The following TOP1 variants were observed in gnomAD, a reference collection of about 807,000 sequenced individuals.
TOP1 encodes DNA topoisomerase I, also known as DNA topoisomerase 1.
In TOP1, 10 loss-of-function variants were observed where a neutral mutation model predicts 111.1. The ratio of observed to expected loss-of-function variants is 0.09; its 90% CI spans 0.06 to 0.15. The LOEUF is 0.15. Among genes scored for constraint, TOP1 ranks in the 10% least tolerant of loss-of-function variants. The pLI, the probability that TOP1 is intolerant of heterozygous loss-of-function variation, is 1.00. For synonymous variants in TOP1, 271 were observed against 302.9 expected (o/e 0.89, Z 1.10); for missense variants, 474 against 926.7 (o/e 0.51, Z 6.34).
At position 41,115,340 on chromosome 20, in the gene TOP1, G is replaced by A. The variant is rs753559870; in HGVS notation, c.1639-31G>A. On this transcript the variant is annotated intron_variant, in intron 15 of 20. Coordinates refer to ENST00000361337, the MANE Select transcript of TOP1 (RefSeq NM_003286.4). The surrounding 1 kb of genome is among the most constrained non-coding windows in gnomAD (Gnocchi z 6.3). Reference sequence around the variant, plus strand: ...TCTAAAGTTAGGATTTTTTTCAAGAGTAATAATTAGGATTCACTTATATCT... The same window carrying A: ...TCTAAAGTTAGGATTTTTTTCAAGAATAATAATTAGGATTCACTTATATCT... 1 of 1,509,816 alleles carries A rather than the reference G, an allele frequency of 6.6e-7. No individual in the cohort carries two copies. The highest frequency in any genetic ancestry group is 1.1e-5 in the South Asian group (1 of 88,482). The allele number at this position is 1,509,816 out of a possible 1,614,324, so 93.5% of individuals were successfully genotyped here.
rs775439007 is a variant in TOP1, at chr20:41,118,194, C to A, written c.1848C>A (p.Ile616=). 2.5e-6 allele frequency: 4 copies of A among 1,613,982 alleles called. No homozygotes were observed. In the African/African-American group the frequency reaches 4.0e-5, roughly 16 times the overall value. The change falls in exon 18 of 21, where the codon ATC becomes ATA. Residue 616 remains isoleucine (I), a synonymous_variant. Transcript: ENST00000361337. This position sits in a 1 kb window ranked among gnomAD's most constrained non-coding sequence, Gnocchi z 4.6. ...TAPDENIPAK[I]LSYNRANRAV... ...CGGATGAGAACATCCCAGCGAAGAT[C>A]CTTTCTTATAACCGTGCCAATCGAG...
chr20:41,089,287 A>C (rs1448164045), intron 8 of TOP1, among the ~76,000 whole-genome samples: 1 of 152,026 alleles, frequency 6.6e-6, no homozygotes, highest in Non-Finnish European at 1.5e-5. Context: ...TGGCCTCCCA[A>C]AGTGCTGGGA....
At chr20:41,054,510 C>T (rs118017931) in intron 2 of TOP1, among the ~76,000 whole-genome samples, 1 of 152,142 alleles carries the variant, frequency 6.6e-6, no homozygotes, top group Non-Finnish European at 1.5e-5. Context: ...ATACAGATAC[C>T]TAGATACCCA....
intron 9 of TOP1, among the ~76,000 whole-genome samples, chr20:41,096,264 C>T (rs1427756188): frequency 6.6e-6 from 1 of 152,194 alleles, no homozygotes; most frequent in Non-Finnish European, 1.5e-5. Flanking sequence ...GATGGGTTTT[C>T]GCCATGTTGG....
At position 41,101,977 on chromosome 20, in the gene TOP1, C is replaced by T. The variant is rs2034070215; in HGVS notation, c.1308+624C>T. Among the ~76,000 whole-genome samples the T allele has an allele frequency of 6.6e-6, 1 of 152,202 alleles. No homozygotes were observed. Among genetic ancestry groups the T allele is most frequent in the South Asian group, 2.1e-4 (1 of 4,830 alleles). Reference sequence around the variant, plus strand: ...CTTGGGGGAAATCAGTTTTTGTTTGCCAGATAGCTATGTATATCTAGCTTT... The same window carrying T: ...CTTGGGGGAAATCAGTTTTTGTTTGTCAGATAGCTATGTATATCTAGCTTT... On this transcript the variant is annotated intron_variant, in intron 13 of 20. Coordinates refer to ENST00000361337, the MANE Select transcript of TOP1 (RefSeq NM_003286.4). The surrounding 1 kb of genome is among the most constrained non-coding windows in gnomAD (Gnocchi z 4.1).
rs142971096 is a variant in TOP1 at position 41,079,152 on chromosome 20, C to T, written c.336-933C>T. ...GGGGACCCAGTATGCTTTTTTTGGTCGGAGGTACTCTTGAAACCCTGTGAA... is the reference window on the plus strand; with the variant it reads ...GGGGACCCAGTATGCTTTTTTTGGTTGGAGGTACTCTTGAAACCCTGTGAA... On this transcript the variant is annotated intron_variant, in intron 5 of 20. Transcript: ENST00000361337. This position sits in a 1 kb window ranked among gnomAD's most constrained non-coding sequence, Gnocchi z 4.0. 3.4e-4 allele frequency among the ~76,000 whole-genome samples: 51 copies of T among 152,080 alleles called. No individual in the cohort carries two copies. The highest frequency in any genetic ancestry group is 1.5e-3 in the East Asian group (8 of 5,174).
intron 2 of TOP1, among the ~76,000 whole-genome samples, chr20:41,044,795 A>AGT (rs752586962): frequency 2.7e-5 from 4 of 149,522 alleles, no homozygotes; most frequent in African/African-American, 9.8e-5. Flanking sequence ...TGTGTGAGTG[A>AGT]GAGAGAGAGA....
At position 41,032,208 on chromosome 20, in the gene TOP1, C is replaced by T. The variant is rs1349621795; in HGVS notation, c.58+2753C>T. On this transcript the variant is annotated intron_variant, in intron 2 of 20. Transcript: ENST00000361337. The surrounding 1 kb of genome is among the most constrained non-coding windows in gnomAD (Gnocchi z 4.3). ...TTAAAATCAAACGTCTCTCATTTTG[C>T]CTGCCCTCATCCCCTAAGATATAAA... Among the ~76,000 whole-genome samples the T allele has an allele frequency of 6.6e-6, 1 of 152,106 alleles. No homozygotes were observed. Among genetic ancestry groups the T allele is most frequent in the Non-Finnish European group, 1.5e-5 (1 of 68,006 alleles).
rs34301440 is a variant in TOP1, at chr20:41,036,847, T to TC, written c.58+7392_58+7393insC. 3.3e-4 allele frequency among the ~76,000 whole-genome samples: 50 copies of TC among 150,598 alleles called. 1 individual carries two copies. The East Asian group carries it at 4.7e-3, about 14-fold the overall frequency. ...TCCTACTTTTCTTTTTTTTTTTTTT[T>TC]TGAGATGGAGTCTCACTCTGTTACC... On this transcript the variant is annotated intron_variant, in intron 2 of 20. Coordinates refer to ENST00000361337, the MANE Select transcript of TOP1 (RefSeq NM_003286.4).
At chr20:41,068,537 A>T (rs1229100412) in intron 3 of TOP1, among the ~76,000 whole-genome samples, 1 of 152,092 alleles carries the variant, frequency 6.6e-6, no homozygotes, top group African/African-American at 2.4e-5. Flanking sequence ...AATAGCTGGG[A>T]CAATAGGCAT....
chr20:41,039,724 C>T (rs1179520228), intron 2 of TOP1, among the ~76,000 whole-genome samples: 3 of 151,932 alleles, frequency 2.0e-5, no homozygotes, highest in Admixed American at 6.6e-5. Flanking sequence ...CTGGCTAACA[C>T]GGCGAAACCC....
intron 2 of TOP1, among the ~76,000 whole-genome samples, chr20:41,054,977 C>T (rs1051894196): frequency 3.3e-5 from 5 of 152,156 alleles, no homozygotes; most frequent in African/African-American, 7.2e-5. Flanking sequence ...CCAGGGAATA[C>T]GTTAGGTAAC....
intron 8 of TOP1, among the ~76,000 whole-genome samples, chr20:41,091,785 C>A (rs560713851): frequency 6.6e-6 from 1 of 152,130 alleles, no homozygotes; most frequent in East Asian, 1.9e-4. Flanking sequence ...ACCTGGATCA[C>A]GACCTCCTGA....
intron 2 of TOP1, among the ~76,000 whole-genome samples, chr20:41,038,491 C>T (rs2033217468): frequency 6.6e-6 from 1 of 152,128 alleles, no homozygotes; most frequent in Non-Finnish European, 1.5e-5. Flanking sequence ...TAAATTTGCA[C>T]ATATATCTAT....
chr20:41,048,045 CCT>C (rs2033355236), intron 2 of TOP1, among the ~76,000 whole-genome samples: 1 of 151,196 alleles, frequency 6.6e-6, no homozygotes, highest in East Asian at 1.9e-4. Flanking sequence ...GTGAGAACAA[CCT>C]CTTTCTTCCT....
chr20:41,044,389 GTAGT>G (rs373193426), intron 2 of TOP1, among the ~76,000 whole-genome samples: 3 of 152,356 alleles, frequency 2.0e-5, no homozygotes, highest in Non-Finnish European at 4.4e-5. Context: ...GAGAGCAAAG[GTAGT>G]TAGTAAAAAT....
chr20:41,085,418 C>T (rs1158747484), intron 8 of TOP1, among the ~76,000 whole-genome samples: 3 of 152,206 alleles, frequency 2.0e-5, no homozygotes, highest in Non-Finnish European at 4.4e-5. Flanking sequence ...ACAGTTTAGT[C>T]ATAGCTGGTT....
chr20:41,092,844 G>C lies in TOP1; in HGVS notation c.730+257G>C, dbSNP rs554580138. Among the ~76,000 whole-genome samples, 1 of 152,318 alleles carries C rather than the reference G, an allele frequency of 6.6e-6. No individual in the cohort carries two copies. Among genetic ancestry groups the C allele is most frequent in the South Asian group, 2.1e-4 (1 of 4,830 alleles). On this transcript the variant is annotated intron_variant, in intron 9 of 20. Transcript: ENST00000361337. The surrounding 1 kb of genome is among the most constrained non-coding windows in gnomAD (Gnocchi z 4.3). Reference sequence around the variant, plus strand: ...AAAAGGTTTGTCAACATGGCTAACAGTGTGTGGTCCACAAGCTGAAGGTTT... The same window carrying C: ...AAAAGGTTTGTCAACATGGCTAACACTGTGTGGTCCACAAGCTGAAGGTTT...
chr20:41,110,563 C>T lies in TOP1; in HGVS notation c.1309-2219C>T, dbSNP rs1348220713. On this transcript the variant is annotated intron_variant, in intron 13 of 20. Transcript: ENST00000361337. The surrounding 1 kb of genome is among the most constrained non-coding windows in gnomAD (Gnocchi z 4.2). The stretch of plus-strand genomic sequence containing the variant: ...GTAATCTTGAATCCAGATCCTGATT[C>T]CACCCAACCACTCTGCTGAATGGAT... 2.0e-5 allele frequency among the ~76,000 whole-genome samples: 3 copies of T among 152,164 alleles called. No individual in the cohort carries two copies. In the South Asian group the frequency reaches 6.2e-4, roughly 32 times the overall value.
Sources: gnomAD v4.1 joint callset for allele counts (sites outside exome capture counted in the v4.1 genomes callset) on GRCh38, gnomAD v4.1.1 for gene constraint, Gnocchi (gnomAD v3.1) non-coding constraint, MANE v1.5 for transcripts, NCBI Gene and HGNC (gene_info 2026-07-23, HGNC 2026-07-21) for gene names.